PHACTR1: variants seen among roughly 807,000 people sequenced by gnomAD.
PHACTR1 encodes the protein RPEL repeat containing 1.
A neutral mutation model predicts 69.2 loss-of-function variants in PHACTR1; 16 were observed. The ratio of observed to expected loss-of-function variants is 0.23; its 90% CI spans 0.16 to 0.35. The LOEUF (loss-of-function observed/expected upper bound fraction) is 0.35, where lower values mean the gene tolerates loss of function less well. Among genes scored for constraint, PHACTR1 ranks in the 10% least tolerant of loss-of-function variants. PHACTR1 has a pLI of 1.00. For synonymous variants in PHACTR1, 312 were observed against 284.5 expected (o/e 1.10, Z -0.97); for missense variants, 510 against 734.7 (o/e 0.69, Z 3.54).
At chr6:13,151,261 C>G (rs751177445) in intron 5 of PHACTR1, among the ~76,000 whole-genome samples, 11 of 152,166 alleles carry the variant, frequency 7.2e-5, no homozygotes, top group Non-Finnish European at 1.6e-4. Context: ...GATAGATTGT[C>G]CTGGAGAGAA....
chr6:13,087,524 C>T (rs1812505469), intron 5 of PHACTR1, among the ~76,000 whole-genome samples: 1 of 151,996 alleles, frequency 6.6e-6, no homozygotes, highest in Non-Finnish European at 1.5e-5. Flanking sequence ...ATTAATATAA[C>T]TTACTGCCTG....
intron 3 of PHACTR1, among the ~76,000 whole-genome samples, chr6:12,720,121 T>C (rs771326383): frequency 1.1e-4 from 16 of 152,214 alleles, no homozygotes; most frequent in Non-Finnish European, 1.9e-4. Context: ...CAACCTCTTC[T>C]GGGTCTGCAA....
At chr6:13,253,096 C>T (rs1260315453) in intron 10 of PHACTR1, 1 of 452,240 alleles carries the variant, frequency 2.2e-6, no homozygotes, top group East Asian at 7.0e-5. Flanking sequence ...ATTCCTGCCA[C>T]CCGTCTCCTG....
intron 3 of PHACTR1, among the ~76,000 whole-genome samples, chr6:12,737,797 T>G (rs948331584): frequency 1.4e-4 from 21 of 152,110 alleles, no homozygotes; most frequent in Admixed American, 1.2e-3. Flanking sequence ...AGTTTCATTA[T>G]GTTGTACAGG....
intron 8 of PHACTR1, among the ~76,000 whole-genome samples, chr6:13,221,497 C>T (rs1347790234): frequency 1.3e-5 from 2 of 152,158 alleles, no homozygotes; most frequent in Admixed American, 1.3e-4. Context: ...ACTACTTCTA[C>T]ATAGGCAGTG....
chr6:13,279,787 A>C (rs377704), intron 12 of PHACTR1: 117,477 of 152,164 alleles, frequency 0.77, 46,062 homozygotes, highest in Admixed American at 0.85. Context: ...CTTTGGATGC[A>C]GGGTGCAGTT....
At chr6:13,167,237 G>A (rs551913015) in intron 6 of PHACTR1, among the ~76,000 whole-genome samples, 1 of 152,230 alleles carries the variant, frequency 6.6e-6, no homozygotes, top group South Asian at 2.1e-4. Context: ...GCTGTTGCAA[G>A]TAATCTCTAC....
intron 5 of PHACTR1, among the ~76,000 whole-genome samples, chr6:13,060,864 G>A (rs1807579437): frequency 6.6e-6 from 1 of 152,160 alleles, no homozygotes; most frequent in Non-Finnish European, 1.5e-5. Flanking sequence ...CAGATGAGTA[G>A]AAAGAAAAGG....
intron 4 of PHACTR1, among the ~76,000 whole-genome samples, chr6:13,024,228 G>A (rs1801382371): frequency 6.6e-6 from 1 of 152,318 alleles, no homozygotes; most frequent in East Asian, 1.9e-4. Context: ...CAACTTGAAG[G>A]CTGAAATCTG....
In PHACTR1 at chr6:13,283,883, C is replaced by G. The variant is rs1401617692; in HGVS notation, c.1650+321C>G. ...TGAAGGCAAGAGGCTCCAGGCTCAT[C>G]ACAGCCCTTCCGTATAGGGGATGGT... On this transcript the variant is annotated intron_variant, in intron 13 of 14. Coordinates refer to ENST00000332995, the MANE Select transcript of PHACTR1 (RefSeq NM_030948.6). This position sits in a 1 kb window ranked among gnomAD's most constrained non-coding sequence, Gnocchi z 4.7. The G allele has an allele frequency of 5.8e-6, 2 of 346,722 alleles. No individual in the cohort carries two copies. The highest frequency in any genetic ancestry group is 1.1e-5 in the Non-Finnish European group (2 of 181,528). 21.5% of individuals were successfully genotyped at this position (346,722 alleles called of 1,614,324 possible).
chr6:13,160,089 G>A (rs1312859604), intron 5 of PHACTR1, 115 bp from the exon 6 acceptor site: 4 of 890,602 alleles, frequency 4.5e-6, no homozygotes, highest in Non-Finnish European at 5.6e-6. Context: ...AGCAAAGCAC[G>A]ATTTACAGAA....
At position 13,148,230 on chromosome 6, in the gene PHACTR1, G is replaced by A. The variant is rs535953704; in HGVS notation, c.416-11974G>A. Reference sequence around the variant, plus strand: ...AAACATAAGAGAAGTTGAGAGAATTGTATAATGATATAACTATATATGCTA... The same window carrying A: ...AAACATAAGAGAAGTTGAGAGAATTATATAATGATATAACTATATATGCTA... On this transcript the variant is annotated intron_variant, in intron 5 of 14. Transcript: ENST00000332995. Among the ~76,000 whole-genome samples the A allele has an allele frequency of 1.2e-3, 171 of 141,326 alleles. 2 individuals carry two copies. Among genetic ancestry groups the A allele is most frequent in the African/African-American group, 4.4e-3 (165 of 37,638 alleles). The allele number at this position is 141,326 out of a possible 152,430, so 92.7% of individuals were successfully genotyped here.
intron 10 of PHACTR1, among the ~76,000 whole-genome samples, chr6:13,272,027 G>A (rs934857759): frequency 5.3e-5 from 8 of 152,180 alleles, no homozygotes; most frequent in Non-Finnish European, 1.0e-4. Context: ...GTGGAATGCC[G>A]GATAATTGCA....
At chr6:12,980,624 A>G (rs1029714950) in intron 4 of PHACTR1, among the ~76,000 whole-genome samples, 1 of 151,848 alleles carries the variant, frequency 6.6e-6, no homozygotes, top group East Asian at 1.9e-4. Context: ...TCTATGTGTG[A>G]TTGTGGCAAG....
At chr6:12,972,814 C>T (rs951277451) in intron 4 of PHACTR1, among the ~76,000 whole-genome samples, 2 of 152,064 alleles carry the variant, frequency 1.3e-5, no homozygotes, top group South Asian at 2.1e-4. Flanking sequence ...ACCACACTGG[C>T]TAATTTTTGT....
At chr6:12,821,039 T>C (rs1387640818) in intron 4 of PHACTR1, among the ~76,000 whole-genome samples, 2 of 152,188 alleles carry the variant, frequency 1.3e-5, no homozygotes, top group African/African-American at 2.4e-5. Flanking sequence ...GATCTAAGAT[T>C]TTCAGGAAGG....
At chr6:13,136,343 C>G (rs1265842154) in intron 5 of PHACTR1, among the ~76,000 whole-genome samples, 1 of 152,200 alleles carries the variant, frequency 6.6e-6, no homozygotes, top group Non-Finnish European at 1.5e-5. Flanking sequence ...ACTCATGAAT[C>G]AAACTCTGCT....
In PHACTR1 at chr6:12,939,210, T is replaced by A. The variant is rs538610380; in HGVS notation, c.251-114155T>A. Among the ~76,000 whole-genome samples, 201 of 152,318 alleles carry A rather than the reference T, an allele frequency of 1.3e-3. 1 individual carries two copies. The highest frequency in any genetic ancestry group is 4.5e-3 in the African/African-American group (188 of 41,572). On this transcript the variant is annotated intron_variant, in intron 4 of 14. Transcript: ENST00000332995. ...AATGAGTAACCATTGGAAAATACAA[T>A]GGTAAAGCCTTTAATTTAGATGTCA...
chr6:12,946,719 G>A (rs1790708469), intron 4 of PHACTR1, among the ~76,000 whole-genome samples: 1 of 151,208 alleles, frequency 6.6e-6, no homozygotes, highest in African/African-American at 2.4e-5. Context: ...CAGAAAGAGA[G>A]AAAAGAATTG....
Sources: allele counts gnomAD v4.1 joint callset (sites outside exome capture counted in the v4.1 genomes callset), GRCh38; gene constraint gnomAD v4.1.1; non-coding constraint Gnocchi (gnomAD v3.1); transcripts MANE v1.5; gene names NCBI Gene and HGNC (gene_info 2026-07-23, HGNC 2026-07-21).